WASF3: variants seen among roughly 807,000 people sequenced by gnomAD.
WASF3 encodes the protein WASP family member 3, also known as actin-binding protein WASF3.
A neutral mutation model predicts 46.6 loss-of-function variants in WASF3; 11 were observed. That is an observed-to-expected ratio of 0.24 (90% CI 0.15 to 0.39). The LOEUF (loss-of-function observed/expected upper bound fraction) is 0.39, where lower values mean the gene tolerates loss of function less well. Ranked by LOEUF, WASF3 falls within the 10% of genes least tolerant of loss-of-function variation. WASF3 has a pLI of 1.00. For synonymous variants in WASF3, 242 were observed against 259.7 expected (o/e 0.93, Z 0.65); for missense variants, 576 against 669.8 (o/e 0.86, Z 1.55).
chr13:26,579,500 T>C (rs561135111), intron 1 of WASF3, among the ~76,000 whole-genome samples: 2 of 152,348 alleles, frequency 1.3e-5, no homozygotes, highest in Admixed American at 1.3e-4. Flanking sequence ...AGGTTGAAAG[T>C]AGTGGCATTC....
At chr13:26,565,219 G>A (rs530818580) in intron 1 of WASF3, among the ~76,000 whole-genome samples, 1 of 151,212 alleles carries the variant, frequency 6.6e-6, no homozygotes, top group East Asian at 1.9e-4. Flanking sequence ...TTTATAGAAG[G>A]GCTCATGAAT....
rs770917382 is a variant in WASF3 at position 26,681,063 on chromosome 13, A to C, written c.726A>C (p.Ala242=). 1.2e-6 allele frequency: 2 copies of C among 1,609,902 alleles called. No individual in the cohort carries two copies. Among genetic ancestry groups the C allele is most frequent in the East Asian group, 2.2e-5 (1 of 44,760 alleles). The change falls in exon 8 of 10, where the codon GCA becomes GCC. Residue 242 remains alanine, a synonymous_variant. Transcript: ENST00000335327. ...TGTTTTCAAATGCCAGGTCACATGC[A>C]TCGGACGTTACGGATTACTCTTACC... ...GSLSPDTRSH[A]SDVTDYSYPA... is the part of the protein sequence containing the mutation.
chr13:26,548,601 C>T, the WASF3 span, among the ~76,000 whole-genome samples: 1 of 152,210 alleles, frequency 6.6e-6, no homozygotes, highest in African/African-American at 2.4e-5. Context: ...AAGGCCGTAA[C>T]ACACTTTGGT....
At chr13:26,584,440 C>T (rs1458273409) in intron 1 of WASF3, among the ~76,000 whole-genome samples, 1 of 152,092 alleles carries the variant, frequency 6.6e-6, no homozygotes, top group African/African-American at 2.4e-5. Flanking sequence ...GAAACTAGTT[C>T]TAGGATTTGA....
intron 3 of WASF3, among the ~76,000 whole-genome samples, chr13:26,645,448 AT>A (rs1882121999): frequency 6.6e-6 from 1 of 152,136 alleles, no homozygotes; most frequent in African/African-American, 2.4e-5. Flanking sequence ...GTGACACTGA[AT>A]TACTGATTGG....
At chr13:26,664,711 T>C (rs1227634395) in intron 3 of WASF3, among the ~76,000 whole-genome samples, 1 of 152,262 alleles carries the variant, frequency 6.6e-6, no homozygotes, top group Non-Finnish European at 1.5e-5. Context: ...AGATTGTATT[T>C]ACACTTAAAG....
rs956143685 is a variant in WASF3 at position 26,627,266 on chromosome 13, A to G, written c.-11+14208A>G. Among the ~76,000 whole-genome samples the G allele has an allele frequency of 5.0e-5, 6 of 118,996 alleles. No homozygotes were observed. In the East Asian group the frequency reaches 6.5e-4, roughly 13 times the overall value. The allele number at this position is 118,996 out of a possible 152,430, so 78.1% of individuals were successfully genotyped here. A position where few individuals can be genotyped will look rare whatever the true frequency, so the allele number is the denominator to read the frequency against. On this transcript the variant is annotated intron_variant, in intron 2 of 9. Coordinates refer to ENST00000335327, the MANE Select transcript of WASF3 (RefSeq NM_006646.6). ...TATATTACTATCAACATCTTATACT[A>G]TACTTTTTTTTTTATTTTCATGTGA...
intron 1 of WASF3, among the ~76,000 whole-genome samples, chr13:26,597,701 T>A (rs574239999): frequency 6.6e-6 from 1 of 152,198 alleles, no homozygotes; most frequent in South Asian, 2.1e-4. Context: ...CACCTATGAG[T>A]GAGAACGTGC....
chr13:26,685,745 T>G lies in WASF3; in HGVS notation c.1409T>G (p.Val470Gly), dbSNP rs745588246. ...GAGCAGGAGGCCAAGCGGGAGCCAGTGGGGAATGACGTGGCCACGATCCTG... is the reference window on the plus strand; with the variant it reads ...GAGCAGGAGGCCAAGCGGGAGCCAGGGGGGAATGACGTGGCCACGATCCTG... The part of the protein sequence containing the change: ...QREQEAKREP[V>G]GNDVATILSR... The change falls in exon 10 of 10, where the codon GTG becomes GGG. Residue 470 changes from valine to glycine, a missense_variant. By Grantham distance (109) the Val-to-Gly change is moderately radical. Coordinates refer to ENST00000335327, the MANE Select transcript of WASF3 (RefSeq NM_006646.6). The G allele has an allele frequency of 1.9e-5, 30 of 1,613,830 alleles. No homozygotes were observed. Among genetic ancestry groups the G allele is most frequent in the Non-Finnish European group, 2.5e-5 (30 of 1,179,960 alleles).
chr13:26,603,372 G>A (rs1385291514), intron 1 of WASF3, among the ~76,000 whole-genome samples: 1 of 152,152 alleles, frequency 6.6e-6, no homozygotes, highest in Non-Finnish European at 1.5e-5. Flanking sequence ...AATCAAGGTA[G>A]GTCAAATCAA....
Position 26,633,363 on chromosome 13 carries a change from C to T in WASF3, c.-10-8898C>T, listed in dbSNP as rs148161587. Among the ~76,000 whole-genome samples the T allele has an allele frequency of 5.8e-3, 874 of 151,892 alleles. 10 individuals are homozygous for T. The highest frequency in any genetic ancestry group is 0.02 in the African/African-American group (821 of 41,448). ...GATTACAGGCATGTGCCACCACGTC[C>T]GGCTAATTTTTTGTATTTTTAGTAG... On this transcript the variant is annotated intron_variant, in intron 2 of 9. Transcript: ENST00000335327.
Position 26,577,178 on chromosome 13 carries a change from CT to C in WASF3, c.-109+19361del. ...GATGTTCAGGGCAAAAACTTCCTAACTTCCTTGGCATGGATCTTACCTGTGA... is the reference window on the plus strand; with the variant it reads ...GATGTTCAGGGCAAAAACTTCCTAACTCCTTGGCATGGATCTTACCTGTGA... On this transcript the variant is annotated intron_variant, in intron 1 of 9. Coordinates refer to ENST00000335327, the MANE Select transcript of WASF3 (RefSeq NM_006646.6). The C allele has an allele frequency of 5.3e-6, 4 of 754,870 alleles. No homozygotes were observed. The East Asian group carries it at 9.8e-5, about 18-fold the overall frequency. 46.8% of individuals were successfully genotyped at this position (754,870 alleles called of 1,614,324 possible). A position where few individuals can be genotyped will look rare whatever the true frequency, so the allele number is the denominator to read the frequency against.
chr13:26,577,286 T>C, intron 1 of WASF3: 1 of 744,416 alleles, frequency 1.3e-6, no homozygotes, highest in Non-Finnish European at 2.5e-6. Context: ...GTTACTTGCT[T>C]TGTCTGTTCT....
chr13:26,665,827 G>T (rs1400267687), intron 4 of WASF3, among the ~76,000 whole-genome samples: 1 of 152,094 alleles, frequency 6.6e-6, no homozygotes, highest in East Asian at 1.9e-4. Context: ...CTCAGATTGA[G>T]CTGGAGAAAA....
At chr13:26,596,579 G>A (rs9553870) in intron 1 of WASF3, among the ~76,000 whole-genome samples, 44,779 of 151,746 alleles carry the variant, frequency 0.3, 6,979 homozygotes, top group East Asian at 0.58. Context: ...TTTGTCTTTG[G>A]TTTTTAGCAA....
chr13:26,646,658 A>G (rs767172196), intron 3 of WASF3, among the ~76,000 whole-genome samples: 11 of 152,130 alleles, frequency 7.2e-5, no homozygotes, highest in Non-Finnish European at 1.5e-4. Flanking sequence ...GACTTTCTCT[A>G]CATATGTATC....
intron 2 of WASF3, among the ~76,000 whole-genome samples, chr13:26,631,665 C>T (rs1405310319): frequency 2.6e-5 from 4 of 151,990 alleles, no homozygotes; most frequent in South Asian, 2.1e-4. Flanking sequence ...GCTCTTTTTT[C>T]GTTCCATATG....
At chr13:26,600,705 C>G (rs145232160) in intron 1 of WASF3, among the ~76,000 whole-genome samples, 3 of 152,222 alleles carry the variant, frequency 2.0e-5, no homozygotes, top group Non-Finnish European at 4.4e-5. Context: ...TTTAGCTCCT[C>G]TTTCATGACT....
chr13:26,657,523 A>G (rs1477339926), intron 3 of WASF3, among the ~76,000 whole-genome samples: 1 of 152,212 alleles, frequency 6.6e-6, no homozygotes. Flanking sequence ...CCCGGGTTAC[A>G]TTCCTCAGTA....
Sources: gnomAD v4.1 joint callset for allele counts (sites outside exome capture counted in the v4.1 genomes callset) on GRCh38, gnomAD v4.1.1 for gene constraint, MANE v1.5 for transcripts, NCBI Gene and HGNC (gene_info 2026-07-23, HGNC 2026-07-21) for gene names.